LRRC4C: variants seen among roughly 807,000 people sequenced by gnomAD.
LRRC4C encodes the protein leucine rich repeat containing 4C.
In LRRC4C, 5 loss-of-function variants were observed where a neutral mutation model predicts 33.6. The ratio of observed to expected loss-of-function variants is 0.15; its 90% CI spans 0.08 to 0.31. The LOEUF (loss-of-function observed/expected upper bound fraction) is 0.31. Among genes scored for constraint, LRRC4C ranks in the 10% least tolerant of loss-of-function variants. LRRC4C has a pLI of 1.00. For missense variants in LRRC4C, 560 were observed against 796.7 expected (o/e 0.70, Z 3.58); for synonymous variants, 329 against 302.0 (o/e 1.09, Z -0.93).
At chr11:41,408,141 A>G (rs1345560408) in intron 1 of LRRC4C, among the ~76,000 whole-genome samples, 4 of 152,222 alleles carry the variant, frequency 2.6e-5, no homozygotes, top group African/African-American at 9.6e-5. Context: ...AGATGTGTAC[A>G]GGGTGAAACA....
intron 5 of LRRC4C, among the ~76,000 whole-genome samples, chr11:40,166,332 G>A (rs10768582): frequency 0.3 from 46,056 of 151,986 alleles, 7,307 homozygotes; most frequent in Non-Finnish European, 0.35. Context: ...CACAAATATA[G>A]ACAAAAGAAG....
At position 40,604,585 on chromosome 11, in the gene LRRC4C, G is replaced by A. The variant is rs571104875; in HGVS notation, c.-270+43557C>T. On this transcript the variant is annotated intron_variant, in intron 3 of 6. Transcript: ENST00000528697. The stretch of plus-strand genomic sequence containing the variant: ...AGTTTATTTGATACTTCTTGGCTTT[G>A]TAATCTTAACCACTTGCAAAAGAGG... 4.6e-5 allele frequency among the ~76,000 whole-genome samples: 7 copies of A among 152,090 alleles called. No homozygotes were observed. The South Asian group carries it at 1.5e-3, about 32-fold the overall frequency.
intron 3 of LRRC4C, among the ~76,000 whole-genome samples, chr11:40,350,691 C>A (rs1388961120): frequency 6.6e-6 from 1 of 151,952 alleles, no homozygotes; most frequent in Non-Finnish European, 1.5e-5. Flanking sequence ...AAAGTAAGAA[C>A]TTTTTAATAA....
intron 1 of LRRC4C, among the ~76,000 whole-genome samples, chr11:41,294,605 T>C (rs1591182306): frequency 1.3e-5 from 2 of 152,362 alleles, no homozygotes; most frequent in East Asian, 3.9e-4. Flanking sequence ...TAAGATTTAC[T>C]CTATCATATT....
chr11:40,435,270 G>A (rs190903947), intron 3 of LRRC4C, among the ~76,000 whole-genome samples: 87 of 152,292 alleles, frequency 5.7e-4, no homozygotes, highest in Middle Eastern at 3.4e-3. Flanking sequence ...AGTCAGTGCC[G>A]AGGCAGACAT....
chr11:40,999,936 C>A (rs983921157), intron 1 of LRRC4C, among the ~76,000 whole-genome samples: 1 of 152,050 alleles, frequency 6.6e-6, no homozygotes, highest in African/African-American at 2.4e-5. Flanking sequence ...ACGCTACATG[C>A]AGACACATCC....
At chr11:40,771,546 C>T (rs540242360) in intron 2 of LRRC4C, among the ~76,000 whole-genome samples, 4 of 152,268 alleles carry the variant, frequency 2.6e-5, no homozygotes, top group South Asian at 4.1e-4. Flanking sequence ...TTGAATTTCT[C>T]CCCAGAAAAT....
At chr11:40,506,826 T>G (rs1955059766) in intron 3 of LRRC4C, among the ~76,000 whole-genome samples, 1 of 151,956 alleles carries the variant, frequency 6.6e-6, no homozygotes, top group Non-Finnish European at 1.5e-5. Flanking sequence ...ATAGAAACAT[T>G]TAGAAAAATT....
At chr11:40,324,618 G>A (rs1413527574) in intron 3 of LRRC4C, among the ~76,000 whole-genome samples, 1 of 152,170 alleles carries the variant, frequency 6.6e-6, no homozygotes, top group African/African-American at 2.4e-5. Flanking sequence ...AACAGGCTAG[G>A]CAAGGTCCTG....
intron 2 of LRRC4C, among the ~76,000 whole-genome samples, chr11:40,889,051 TG>T (rs770753283): frequency 1.3e-5 from 2 of 152,036 alleles, no homozygotes; most frequent in Non-Finnish European, 2.9e-5. Context: ...TAGAATTTAG[TG>T]TACCATATAA....
chr11:40,693,218 T>A (rs1945313625), intron 2 of LRRC4C, among the ~76,000 whole-genome samples: 1 of 152,118 alleles, frequency 6.6e-6, no homozygotes, highest in Non-Finnish European at 1.5e-5. Context: ...ATAGCATTCA[T>A]AAAGAAGTGA....
chr11:40,271,396 AG>A (rs1225172306), intron 4 of LRRC4C, among the ~76,000 whole-genome samples: 2 of 152,198 alleles, frequency 1.3e-5, no homozygotes, highest in Non-Finnish European at 2.9e-5. Context: ...CAGAACACAA[AG>A]GTGGAGAATG....
chr11:41,005,398 G>A (rs1261534227), intron 1 of LRRC4C, among the ~76,000 whole-genome samples: 2 of 152,152 alleles, frequency 1.3e-5, no homozygotes, highest in Non-Finnish European at 2.9e-5. Context: ...AAGATCAGGA[G>A]TTTGAGACCA....
chr11:40,878,807 G>C (rs577312629), intron 2 of LRRC4C, among the ~76,000 whole-genome samples: 3 of 152,316 alleles, frequency 2.0e-5, no homozygotes, highest in African/African-American at 7.2e-5. Flanking sequence ...TTTTGAGGCA[G>C]TGGTGATGTT....
intron 2 of LRRC4C, among the ~76,000 whole-genome samples, chr11:40,806,665 C>T (rs1951264941): frequency 6.6e-6 from 1 of 152,100 alleles, no homozygotes; most frequent in Non-Finnish European, 1.5e-5. Flanking sequence ...ATAAATCTGC[C>T]CAAATCACAA....
rs527710252 is a variant in LRRC4C at position 40,174,801 on chromosome 11, A to G, written c.-95-33948T>C. ...ATGGTTGATACAGTATTTTCCTACT[A>G]ATTATTTCACTTGCTTCTCCCAGGG... is the stretch of plus-strand genomic sequence containing the variant. On this transcript the variant is annotated intron_variant, in intron 5 of 6. Transcript: ENST00000528697. 7.2e-5 allele frequency among the ~76,000 whole-genome samples: 11 copies of G among 152,278 alleles called. No individual in the cohort carries two copies. The East Asian group carries it at 1.5e-3, about 21-fold the overall frequency.
intron 5 of LRRC4C, among the ~76,000 whole-genome samples, chr11:40,235,301 C>T (rs1249353431): frequency 2.0e-5 from 3 of 152,084 alleles, no homozygotes; most frequent in Non-Finnish European, 4.4e-5. Context: ...ATAATGAATG[C>T]CCAATTAATG....
chr11:40,486,797 A>C (rs1249766566), intron 3 of LRRC4C, among the ~76,000 whole-genome samples: 2 of 151,996 alleles, frequency 1.3e-5, no homozygotes, highest in Non-Finnish European at 2.9e-5. Flanking sequence ...ATGTTTGTAC[A>C]TTTTCATAAT....
chr11:40,376,484 G>A (rs1190337256), intron 3 of LRRC4C, among the ~76,000 whole-genome samples: 1 of 152,138 alleles, frequency 6.6e-6, no homozygotes, highest in African/African-American at 2.4e-5. Flanking sequence ...AAGAACTACA[G>A]GAGTTTAAAG....
Sources: allele counts gnomAD v4.1 joint callset (sites outside exome capture counted in the v4.1 genomes callset), GRCh38; gene constraint gnomAD v4.1.1; transcripts MANE v1.5; gene names NCBI Gene and HGNC (gene_info 2026-07-23, HGNC 2026-07-21).